PCDHGB6: variants seen among roughly 807,000 people sequenced by gnomAD.
The protein encoded by PCDHGB6 is protocadherin gamma subfamily B, 6, also known as protocadherin gamma-B6.
PCDHGB6 carries 51 observed loss-of-function variants against 59.1 expected under a neutral mutation model. The observed-to-expected ratio is 0.86, with a 90% CI of 0.69 to 1.09. PCDHGB6 has a LOEUF of 1.09. Among genes scored for constraint, PCDHGB6 ranks in the 50% least tolerant of loss-of-function variants. The probability of loss-of-function intolerance (pLI) is 0.00; values close to 1 mark genes in which losing one functional copy is unlikely to be tolerated. For missense variants in PCDHGB6, 1,148 were observed against 1,205.1 expected (o/e 0.95, Z 0.70); for synonymous variants, 466 against 495.1 (o/e 0.94, Z 0.78).
At position 141,476,387 on chromosome 5, in the gene PCDHGB6, C is replaced by A. The variant is rs147660262; in HGVS notation, c.2419-18420C>A. ...GACCGGAGAGATGTTTGTGAACGAC[C>A]GTCTGGATCGAGAGGAGCTGTGTGG... is the stretch of plus-strand genomic sequence containing the variant. On this transcript the variant is annotated intron_variant, in intron 1 of 3. Transcript: ENST00000520790. The surrounding 1 kb of genome is among the most constrained non-coding windows in gnomAD (Gnocchi z 7.6). 1.2e-6 allele frequency: 2 copies of A among 1,614,076 alleles called. No individual in the cohort carries two copies. Among genetic ancestry groups the A allele is most frequent in the Non-Finnish European group, 8.5e-7 (1 of 1,180,024 alleles).
At chr5:141,495,652 T>C (rs1403816239) in intron 2 of PCDHGB6, among the ~76,000 whole-genome samples, 2 of 152,336 alleles carry the variant, frequency 1.3e-5, no homozygotes, top group Admixed American at 6.5e-5. Context: ...CTACTTGCAT[T>C]GATCTGTGCC....
chr5:141,480,887 A>T (rs2099527301), intron 1 of PCDHGB6, among the ~76,000 whole-genome samples: 1 of 152,146 alleles, frequency 6.6e-6, no homozygotes. Flanking sequence ...TCTACTAAAA[A>T]TGCAAACATT....
intron 1 of PCDHGB6, chr5:141,478,520 G>C (rs1474701976): frequency 1.2e-6 from 2 of 1,610,510 alleles, no homozygotes; most frequent in East Asian, 4.5e-5. Context: ...GCAGGTGTTG[G>C]GTGCAGAGAG....
intron 1 of PCDHGB6, among the ~76,000 whole-genome samples, chr5:141,459,678 G>A (rs1240789253): frequency 2.0e-5 from 3 of 152,184 alleles, no homozygotes; most frequent in African/African-American, 7.2e-5. Flanking sequence ...CATGAGCAAT[G>A]CATAAAGCGT....
Position 141,476,949 on chromosome 5 carries a change from A to G in PCDHGB6, c.2419-17858A>G. The stretch of plus-strand genomic sequence containing the variant: ...GATCTGGATGAAGGCCCCAACGGTG[A>G]AATTATTTACTCCTTCGGCAGCCAC... On this transcript the variant is annotated intron_variant, in intron 1 of 3. Transcript: ENST00000520790. The surrounding 1 kb of genome is among the most constrained non-coding windows in gnomAD (Gnocchi z 7.6). 6.2e-7 allele frequency: 1 copy of G among 1,614,200 alleles called. No individual in the cohort carries two copies. Among genetic ancestry groups the G allele is most frequent in the Admixed American group, 1.7e-5 (1 of 60,038 alleles).
intron 1 of PCDHGB6, among the ~76,000 whole-genome samples, chr5:141,448,434 GA>G (rs1297090877): frequency 1.3e-5 from 2 of 152,050 alleles, no homozygotes; most frequent in South Asian, 4.2e-4. Flanking sequence ...TATATATTGA[GA>G]AGTCTGACTT....
chr5:141,484,805 A>G (rs1594417928), intron 1 of PCDHGB6, among the ~76,000 whole-genome samples: 1 of 151,896 alleles, frequency 6.6e-6, no homozygotes, highest in East Asian at 1.9e-4. Context: ...CCGTGGAAAA[A>G]CATGCCGTTG....
intron 1 of PCDHGB6, among the ~76,000 whole-genome samples, chr5:141,425,819 A>C (rs1183860957): frequency 6.6e-6 from 1 of 152,246 alleles, no homozygotes; most frequent in Non-Finnish European, 1.5e-5. Flanking sequence ...TTAGAAAAAA[A>C]CAAACTTTTA....
Position 141,487,298 on chromosome 5 carries a change from G to T in PCDHGB6, c.2419-7509G>T. 6.2e-7 allele frequency: 1 copy of T among 1,614,072 alleles called. No individual in the cohort carries two copies. Among genetic ancestry groups the T allele is most frequent in the Non-Finnish European group, 8.5e-7 (1 of 1,180,018 alleles). ...TTGCTTTGTCTCCTTTGGCTCATTC[G>T]TGGCACTACTCTCTAAGTGTCTTCG... On this transcript the variant is annotated intron_variant, in intron 1 of 3. Coordinates refer to ENST00000520790, the MANE Select transcript of PCDHGB6 (RefSeq NM_018926.3). This position sits in a 1 kb window ranked among gnomAD's most constrained non-coding sequence, Gnocchi z 5.0.
intron 1 of PCDHGB6, among the ~76,000 whole-genome samples, chr5:141,475,750 T>C (rs1158317865): frequency 6.6e-6 from 1 of 152,270 alleles, no homozygotes; most frequent in African/African-American, 2.4e-5. Context: ...AGGTTTCCTA[T>C]GCACCGATAC....
In PCDHGB6 at chr5:141,408,945, G is replaced by A. The variant is rs1176579339; in HGVS notation, c.743G>A (p.Arg248Lys). 21 of 1,613,590 alleles carry A rather than the reference G, an allele frequency of 1.3e-5. No individual in the cohort carries two copies. In the East Asian group the frequency reaches 4.7e-4, roughly 36 times the overall value. ...NPPVFSRDEYRISLSENLPPG... is the reference protein window; with the variant it reads ...NPPVFSRDEYKISLSENLPPG... Reference sequence around the variant, plus strand: ...CCGGTTTTCAGCAGAGACGAATATAGAATTAGTCTTAGTGAAAATCTGCCC... The same window carrying A: ...CCGGTTTTCAGCAGAGACGAATATAAAATTAGTCTTAGTGAAAATCTGCCC... The change falls in exon 1 of 4, where the codon AGA (arginine) becomes AAA (lysine). Residue 248 changes from arginine to lysine, a missense_variant. Arg to Lys is a conservative substitution (Grantham distance 26). Coordinates refer to ENST00000520790, the MANE Select transcript of PCDHGB6 (RefSeq NM_018926.3).
In PCDHGB6 at chr5:141,413,327, A is replaced by T. The variant is rs200027912; in HGVS notation, c.2418+2707A>T. ...TTAGAGAAAGGCTCTTTCGTGGGCA[A>T]CATCTCCAAGGACTTGGGTCTGGCG... On this transcript the variant is annotated intron_variant, in intron 1 of 3. Transcript: ENST00000520790. The T allele has an allele frequency of 2.6e-4, 421 of 1,613,984 alleles. 1 individual carries two copies. The highest frequency in any genetic ancestry group is 1.1e-3 in the South Asian group (96 of 91,090).
intron 1 of PCDHGB6, among the ~76,000 whole-genome samples, chr5:141,438,497 T>C (rs1274742357): frequency 6.7e-6 from 1 of 149,116 alleles, no homozygotes; most frequent in African/African-American, 2.5e-5. Flanking sequence ...GAAAAAAGAA[T>C]CATAGTGCAA....
At chr5:141,483,501 G>C (rs1022338958) in intron 1 of PCDHGB6, among the ~76,000 whole-genome samples, 2 of 150,394 alleles carry the variant, frequency 1.3e-5, no homozygotes, top group African/African-American at 4.9e-5. Context: ...ATGAGTCAAG[G>C]CTGATCCCCC....
At chr5:141,496,799 G>C (rs2099771487) in intron 2 of PCDHGB6, among the ~76,000 whole-genome samples, 1 of 151,912 alleles carries the variant, frequency 6.6e-6, no homozygotes, top group African/African-American at 2.4e-5. Context: ...TAAACATTGG[G>C]CTATAGGAGT....
Position 141,490,122 on chromosome 5 carries a change from C to T in PCDHGB6, c.2419-4685C>T. 3 of 1,614,260 alleles carry T rather than the reference C, an allele frequency of 1.9e-6. No homozygotes were observed. The highest frequency in any genetic ancestry group is 2.5e-6 in the Non-Finnish European group (3 of 1,180,046). On this transcript the variant is annotated intron_variant, in intron 1 of 3. Coordinates refer to ENST00000520790, the MANE Select transcript of PCDHGB6 (RefSeq NM_018926.3). The surrounding 1 kb of genome is among the most constrained non-coding windows in gnomAD (Gnocchi z 5.4). ...CTGAGGCAGTGCGGAACCTCTTTGG[C>T]CTAGACCCTAGCAGTGGGGCAATCC... is the stretch of plus-strand genomic sequence containing the variant.
chr5:141,450,828 TA>T lies in PCDHGB6; in HGVS notation c.2418+40209del, dbSNP rs1427656987. Among the ~76,000 whole-genome samples the T allele has an allele frequency of 7.8e-4, 110 of 141,058 alleles. 1 individual carries two copies. The highest frequency in any genetic ancestry group is 1.8e-3 in the African/African-American group (65 of 36,868). The allele number at this position is 141,058 out of a possible 152,430, so 92.5% of individuals were successfully genotyped here. A position where few individuals can be genotyped will look rare whatever the true frequency, so the allele number is the denominator to read the frequency against. ...TTTATTTATTTAATATTATTATTAT[TA>T]TTTTTTTTTTTTTGAGATGGGGTCT... On this transcript the variant is annotated intron_variant, in intron 1 of 3. Transcript: ENST00000520790.
chr5:141,492,552 T>A (rs1444534113), intron 1 of PCDHGB6, among the ~76,000 whole-genome samples: 1 of 152,084 alleles, frequency 6.6e-6, no homozygotes, highest in African/African-American at 2.4e-5. Context: ...CCGGGTCGCC[T>A]GGGGGGCGGC....
In PCDHGB6 at chr5:141,493,026, C is replaced by T. The variant is rs73280358; in HGVS notation, c.2419-1781C>T. 6.6e-6 allele frequency among the ~76,000 whole-genome samples: 1 copy of T among 152,190 alleles called. No individual in the cohort carries two copies. The highest frequency in any genetic ancestry group is 1.5e-5 in the Non-Finnish European group (1 of 68,034). Reference sequence around the variant, plus strand: ...TAGGCTCTGCCAGATGCCAGGGTGCCCTTATGTGTGAGGAAACTACAATAG... The same window carrying T: ...TAGGCTCTGCCAGATGCCAGGGTGCTCTTATGTGTGAGGAAACTACAATAG... On this transcript the variant is annotated intron_variant, in intron 1 of 3. Coordinates refer to ENST00000520790, the MANE Select transcript of PCDHGB6 (RefSeq NM_018926.3). This position sits in a 1 kb window ranked among gnomAD's most constrained non-coding sequence, Gnocchi z 4.3.
Sources: allele counts gnomAD v4.1 joint callset (sites outside exome capture counted in the v4.1 genomes callset), GRCh38; gene constraint gnomAD v4.1.1; non-coding constraint Gnocchi (gnomAD v3.1); transcripts MANE v1.5; gene names NCBI Gene and HGNC (gene_info 2026-07-23, HGNC 2026-07-21).